AEBP2: variants seen among roughly 807,000 people sequenced by gnomAD.
The protein encoded by AEBP2 is zinc finger protein AEBP2.
Under a neutral mutation model 50.8 loss-of-function variants are expected in AEBP2, and 10 were observed. That is an observed-to-expected ratio of 0.20 (90% CI 0.12 to 0.33). The LOEUF is 0.33. Ranked by LOEUF, AEBP2 falls within the 10% of genes least tolerant of loss-of-function variation. The pLI is 1.00. For missense variants in AEBP2, 570 were observed against 688.0 expected (o/e 0.83, Z 1.92); for synonymous variants, 296 against 261.3 (o/e 1.13, Z -1.28).
Position 19,500,097 on chromosome 12 carries a change from C to T in AEBP2, c.1175C>T (p.Pro392Leu). ...CTTTACTTTTTATGTTGACTTTTAG[C>T]ACGGCCACATGATTTCTTCGATGCA... is the stretch of plus-strand genomic sequence containing the variant. ...KLKNKRRRSL[P>L]RPHDFFDAQT... Residue 392 changes from proline to leucine, a missense_variant and splice_region_variant, in exon 5 of 8, where the codon CCA becomes CTA. Coordinates refer to ENST00000266508, the MANE Select transcript of AEBP2 (RefSeq NM_153207.5). 1.9e-6 allele frequency: 3 copies of T among 1,602,732 alleles called. No individual in the cohort carries two copies. Among genetic ancestry groups the T allele is most frequent in the Admixed American group, 1.7e-5 (1 of 58,372 alleles).
At chr12:19,407,148 A>G (rs1162606511) in intron 1 of AEBP2, among the ~76,000 whole-genome samples, 1 of 152,164 alleles carries the variant, frequency 6.6e-6, no homozygotes, top group African/African-American at 2.4e-5. Flanking sequence ...ACAACAAAAA[A>G]GAATTAGCCT....
rs750163154 is a variant in AEBP2 at position 19,499,614 on chromosome 12, TTA to T, written c.1175-482_1175-481del. On this transcript the variant is annotated intron_variant, in intron 4 of 7. Transcript: ENST00000266508. ...GGGTGAAGGAGTGAGACTCTGTCTC[TTA>T]AAAAAAAAAAAAAAAACCTCAAAAT... Among the ~76,000 whole-genome samples the T allele has an allele frequency of 2.2e-4, 25 of 112,122 alleles. 1 individual carries two copies. The highest frequency in any genetic ancestry group is 2.5e-4 in the East Asian group (1 of 4,032). 73.6% of individuals were successfully genotyped at this position (112,122 alleles called of 152,430 possible).
intron 3 of AEBP2, among the ~76,000 whole-genome samples, chr12:19,492,608 A>T (rs1948911150): frequency 6.6e-6 from 1 of 151,922 alleles, no homozygotes; most frequent in African/African-American, 2.4e-5. Context: ...AAAAAAATTT[A>T]TTTATTTTTA....
intron 2 of AEBP2, among the ~76,000 whole-genome samples, chr12:19,470,826 G>T (rs1320166222): frequency 2.6e-5 from 4 of 152,164 alleles, no homozygotes; most frequent in Admixed American, 2.6e-4. Context: ...TTTCAGAGTA[G>T]GGCGGGGGGG....
At chr12:19,513,212 C>T (rs1565738995) in intron 6 of AEBP2, among the ~76,000 whole-genome samples, 1 of 152,068 alleles carries the variant, frequency 6.6e-6, no homozygotes, top group Non-Finnish European at 1.5e-5. Context: ...TTCTTTAGTG[C>T]ACAGTGAATG....
At chr12:19,448,860 TG>T in intron 1 of AEBP2, among the ~76,000 whole-genome samples, 1 of 152,172 alleles carries the variant, frequency 6.6e-6, no homozygotes, top group Middle Eastern at 3.4e-3. Context: ...TTTCATTTTT[TG>T]TAGAGATGGG....
Position 19,518,703 on chromosome 12 carries a change from T to C in AEBP2, c.*586T>C. The C allele has an allele frequency of 6.7e-7, 1 of 1,495,138 alleles. No individual in the cohort carries two copies. Among genetic ancestry groups the C allele is most frequent in the Non-Finnish European group, 9.0e-7 (1 of 1,105,994 alleles). The allele number at this position is 1,495,138 out of a possible 1,614,324, so 92.6% of individuals were successfully genotyped here. ...TCTGATAAGAAAAGTGTTCAATTTGTATTTAAGCAAACAGTGAACGACGTT... is the reference window on the plus strand; with the variant it reads ...TCTGATAAGAAAAGTGTTCAATTTGCATTTAAGCAAACAGTGAACGACGTT... On this transcript the variant is annotated 3_prime_UTR_variant, in exon 8 of 8. Transcript: ENST00000266508.
intron 1 of AEBP2, chr12:19,440,789 A>C: frequency 6.5e-7 from 1 of 1,529,542 alleles, no homozygotes; most frequent in Non-Finnish European, 8.7e-7. Flanking sequence ...AAGTGTTTCC[A>C]ATATGGCTGG....
At chr12:19,455,647 G>A (rs970044950) in intron 1 of AEBP2, among the ~76,000 whole-genome samples, 6 of 152,336 alleles carry the variant, frequency 3.9e-5, no homozygotes, top group African/African-American at 1.4e-4. Context: ...AGTGAGACAG[G>A]CTTCGAATTT....
chr12:19,423,298 C>T (rs1436016492), intron 1 of AEBP2, among the ~76,000 whole-genome samples: 1 of 151,986 alleles, frequency 6.6e-6, no homozygotes, highest in Non-Finnish European at 1.5e-5. Context: ...CTCCCCATTG[C>T]CTTCAGTTCA....
rs547550760 is a variant in AEBP2, at chr12:19,517,141, T to A, written c.1482-946T>A. 2.6e-5 allele frequency among the ~76,000 whole-genome samples: 4 copies of A among 152,328 alleles called. 1 individual carries two copies. The highest frequency in any genetic ancestry group is 9.6e-5 in the African/African-American group (4 of 41,586). ...AGTGGCATAGAGTCATAGAAGCCCC[T>A]ACATTTGTCCTAGTGTACAATCTTT... is the stretch of plus-strand genomic sequence containing the variant. On this transcript the variant is annotated intron_variant, in intron 7 of 7. Coordinates refer to ENST00000266508, the MANE Select transcript of AEBP2 (RefSeq NM_153207.5).
chr12:19,441,195 G>T lies in AEBP2; in HGVS notation c.671+825G>T, dbSNP rs1331671895. Among the ~76,000 whole-genome samples, 6 of 152,236 alleles carry T rather than the reference G, an allele frequency of 3.9e-5. 1 individual carries two copies. Among genetic ancestry groups the T allele is most frequent in the Middle Eastern group, 3.4e-3 (1 of 294 alleles). On this transcript the variant is annotated intron_variant, in intron 1 of 7. Coordinates refer to ENST00000266508, the MANE Select transcript of AEBP2 (RefSeq NM_153207.5). The stretch of plus-strand genomic sequence containing the variant: ...ATATTTAAAGTCATGCATTGGAGAG[G>T]TCTCGGAAGGAATGAGTATTATTTT...
intron 5 of AEBP2, among the ~76,000 whole-genome samples, chr12:19,500,539 G>C (rs1221520103): frequency 6.6e-6 from 1 of 152,038 alleles, no homozygotes; most frequent in East Asian, 1.9e-4. Flanking sequence ...TTTCTCACCT[G>C]GTTTCCTCAT....
intron 3 of AEBP2, among the ~76,000 whole-genome samples, chr12:19,492,497 A>ACT (rs1948908740): frequency 6.6e-6 from 1 of 152,162 alleles, no homozygotes; most frequent in Non-Finnish European, 1.5e-5. Context: ...CATATGACCA[A>ACT]CACTGAGCAT....
chr12:19,507,325 T>G (rs1412598775), intron 5 of AEBP2, among the ~76,000 whole-genome samples: 1 of 152,114 alleles, frequency 6.6e-6, no homozygotes, highest in Non-Finnish European at 1.5e-5. Context: ...TATGCTTTCA[T>G]TAGAGCAGCT....
intron 1 of AEBP2, among the ~76,000 whole-genome samples, chr12:19,447,413 C>CCATG (rs1948090990): frequency 6.6e-6 from 1 of 152,128 alleles, no homozygotes; most frequent in Non-Finnish European, 1.5e-5. Context: ...GAAGAAAAAC[C>CCATG]ATGTCTATCT....
intron 5 of AEBP2, among the ~76,000 whole-genome samples, chr12:19,506,888 C>T (rs1949162126): frequency 1.3e-5 from 2 of 152,136 alleles, no homozygotes; most frequent in African/African-American, 4.8e-5. Flanking sequence ...ACAGCAACTC[C>T]AAGGCTTTTT....
At chr12:19,511,415 G>A (rs1846408815) in intron 5 of AEBP2, among the ~76,000 whole-genome samples, 1 of 150,916 alleles carries the variant, frequency 6.6e-6, no homozygotes. Flanking sequence ...AGGCGTTCAA[G>A]GCAGAAAACC....
chr12:19,513,463 G>A (rs1949267044), intron 6 of AEBP2, among the ~76,000 whole-genome samples: 1 of 152,088 alleles, frequency 6.6e-6, no homozygotes, highest in African/African-American at 2.4e-5. Flanking sequence ...CCTAATTCAC[G>A]TATGTGGCCA....
Sources: gnomAD v4.1 joint callset for allele counts (sites outside exome capture counted in the v4.1 genomes callset) on GRCh38, gnomAD v4.1.1 for gene constraint, MANE v1.5 for transcripts, NCBI Gene and HGNC (gene_info 2026-07-23, HGNC 2026-07-21) for gene names.